The following MPND variants were observed in gnomAD, a reference collection of about 807,000 sequenced individuals.
MPND encodes MPN domain containing, also known as MPN domain-containing protein.
A neutral mutation model predicts 59.2 loss-of-function variants in MPND; 56 were observed. The observed-to-expected ratio is 0.95, with a 90% CI of 0.76 to 1.18. MPND has a LOEUF of 1.18. Among genes scored for constraint, MPND ranks in the 50% most tolerant of loss-of-function variants. The pLI is 0.00. For missense variants in MPND, 671 were observed against 676.0 expected, an observed-to-expected ratio of 0.99 and a Z score of 0.08; for synonymous variants, 323 against 291.9, an observed-to-expected ratio of 1.11 and a Z score of -1.09.
chr19:4,357,695 A>G, intron 10 of MPND, 110 bp downstream of exon 10: 1 of 1,069,460 alleles, frequency 9.4e-7, no homozygotes, highest in Admixed American at 2.7e-5. Flanking sequence ...TTGGGGCCCC[A>G]GTTTCTCCAT....
intron 11 of MPND, 60 bp downstream of exon 11, chr19:4,358,232 C>T (rs562696441): frequency 3.0e-5 from 42 of 1,421,064 alleles, no homozygotes; most frequent in Admixed American, 2.4e-4. Context: ...GCACACGATG[C>T]GTTGGTCTGC....
At chr19:4,343,656 G>A in intron 1 of MPND, 52 bp from the exon 2 acceptor site, 1 of 1,201,976 alleles carries the variant, frequency 8.3e-7, no homozygotes, top group Non-Finnish European at 1.0e-6. Context: ...GGGGCGCGGG[G>A]CTGCAGAGCC....
At chr19:4,345,631 C>T in intron 2 of MPND, 114 bp from the exon 3 acceptor site, 1 of 959,018 alleles carries the variant, frequency 1.0e-6, no homozygotes, top group Non-Finnish European at 1.6e-6. Flanking sequence ...GAGAGGTGTT[C>T]CTGGAAGCCC....
At chr19:4,357,490 A>G (rs769430656) in intron 9 of MPND, 25 bp from the exon 10 acceptor site, 1 of 1,611,952 alleles carries the variant, frequency 6.2e-7, no homozygotes, top group Admixed American at 1.7e-5. Context: ...TCCCAGGGCC[A>G]ACCCCTCTCC....
intron 5 of MPND, 37 bp downstream of exon 5, chr19:4,354,166 C>T: frequency 6.3e-7 from 1 of 1,590,098 alleles, no homozygotes; most frequent in Non-Finnish European, 8.6e-7. Context: ...TGCCCCAGCT[C>T]ACCTGGATCT....
chr19:4,344,065 T>C, intron 2 of MPND, 71 bp downstream of exon 2: 1 of 1,122,022 alleles, frequency 8.9e-7, no homozygotes, highest in Non-Finnish European at 1.1e-6. Context: ...GGAGTTCCCT[T>C]GCTGCAGGAC....
chr19:4,344,955 G>A (rs1972151953), intron 2 of MPND, among the ~76,000 whole-genome samples: 1 of 148,990 alleles, frequency 6.7e-6, no homozygotes. Context: ...TATTGGCCAG[G>A]CTGGTCTTGA....
At chr19:4,347,576 C>T (rs6510807) in intron 3 of MPND, among the ~76,000 whole-genome samples, 88,268 of 151,926 alleles carry the variant, frequency 0.58, 27,367 homozygotes, top group African/African-American at 0.81. Flanking sequence ...TTTTTATGTA[C>T]GAAGTTTATT....
Position 4,359,241 on chromosome 19 carries a change from C to T in MPND, c.1405C>T (p.Leu469Phe), listed in dbSNP as rs1764431737. ...ACCCTGGAGCCAGGAGCACACCTACCTCGACAAGCTTAAGGTGAGCCCCAA... is the reference window on the plus strand; with the variant it reads ...ACCCTGGAGCCAGGAGCACACCTACTTCGACAAGCTTAAGGTGAGCCCCAA... Reference protein sequence around the residue: ...QEPWSQEHTYLDKLKISLASR... With the variant: ...QEPWSQEHTYFDKLKISLASR... The change falls in exon 12 of 13, where the codon CTC (leucine) becomes TTC (phenylalanine). Residue 469 changes from leucine (L) to phenylalanine (F), a missense_variant. Physicochemically the swap from Leu to Phe is conservative, Grantham distance 22 (BLOSUM62 0). Coordinates refer to ENST00000599840, the MANE Select transcript of MPND (RefSeq NM_001300862.2). 1.2e-6 allele frequency: 2 copies of T among 1,612,910 alleles called. No individual in the cohort carries two copies. Among genetic ancestry groups the T allele is most frequent in the African/African-American group, 1.3e-5 (1 of 74,790 alleles).
In MPND at chr19:4,352,881, C is replaced by A; in HGVS notation, c.532-16C>A. 7.4e-7 allele frequency: 1 copy of A among 1,357,934 alleles called. No individual in the cohort carries two copies. Among genetic ancestry groups the A allele is most frequent in the Non-Finnish European group, 9.6e-7 (1 of 1,045,772 alleles). 84.1% of individuals were successfully genotyped at this position (1,357,934 alleles called of 1,614,324 possible). ...CTGAGGGTCCCACCGCTGTCCCTGA[C>A]CCCTAACCCCTGCAGAGCCCAGCCA... On this transcript the variant is annotated splice_polypyrimidine_tract_variant and intron_variant, in intron 3 of 12. Transcript: ENST00000599840.
At chr19:4,352,051 T>C (rs370107288) in intron 3 of MPND, among the ~76,000 whole-genome samples, 5 of 151,344 alleles carry the variant, frequency 3.3e-5, no homozygotes, top group African/African-American at 1.2e-4. Flanking sequence ...TGGGCAACTG[T>C]ACTCCCAGCT....
rs1244232518 is a variant in MPND at position 4,345,593 on chromosome 19, G to T, written c.295-152G>T. On this transcript the variant is annotated intron_variant, in intron 2 of 12. Coordinates refer to ENST00000599840, the MANE Select transcript of MPND (RefSeq NM_001300862.2). ...TCAGGTTTGTGGGTGTGGACTCCCAGGCACTGAGGAGGCCCTGCAGCCGGC... is the reference window on the plus strand; with the variant it reads ...TCAGGTTTGTGGGTGTGGACTCCCATGCACTGAGGAGGCCCTGCAGCCGGC... 5.9e-6 allele frequency: 4 copies of T among 680,860 alleles called. No individual in the cohort carries two copies. In the African/African-American group the frequency reaches 7.2e-5, roughly 12 times the overall value. 42.2% of individuals were successfully genotyped at this position (680,860 alleles called of 1,614,324 possible).
rs1972406033 is a variant in MPND, at chr19:4,355,086, C to G, written c.920-11C>G. The G allele has an allele frequency of 6.2e-7, 1 of 1,613,890 alleles. No homozygotes were observed. The highest frequency in any genetic ancestry group is 8.5e-7 in the Non-Finnish European group (1 of 1,179,950). On this transcript the variant is annotated splice_polypyrimidine_tract_variant and intron_variant, in intron 7 of 12. Transcript: ENST00000599840. ...CCGGGGTCACGGGGTCACAGCTGCC[C>G]CTCCCCACAGTGCTGACGGTGCTCA...
intron 12 of MPND, among the ~76,000 whole-genome samples, 177 bp downstream of exon 12, chr19:4,359,432 T>C (rs1345338126): frequency 3.3e-5 from 5 of 152,188 alleles, no homozygotes; most frequent in Admixed American, 1.3e-4. Context: ...CCAGATTTGA[T>C]TGGACTGTGG....
chr19:4,358,075 C>T lies in MPND; in HGVS notation c.1237-8C>T, dbSNP rs1487142889. 4.5e-6 allele frequency: 7 copies of T among 1,550,548 alleles called. No homozygotes were observed. The highest frequency in any genetic ancestry group is 6.1e-6 in the Non-Finnish European group (7 of 1,146,370). ...GAGGCTTCTCTCACTGGTCTGTGTC[C>T]CTGCCAGCAAAGGCCCAGTGACTAT... On this transcript the variant is annotated splice_region_variant and splice_polypyrimidine_tract_variant and intron_variant, in intron 10 of 12. Coordinates refer to ENST00000599840, the MANE Select transcript of MPND (RefSeq NM_001300862.2).
At position 4,345,773 on chromosome 19, in the gene MPND, C is replaced by T. The variant is rs192526108; in HGVS notation, c.323C>T (p.Pro108Leu). 3.3e-5 allele frequency: 54 copies of T among 1,613,928 alleles called. No homozygotes were observed. The East Asian group carries it at 8.9e-4, about 27-fold the overall frequency. The change falls in exon 3 of 13, where the codon CCA becomes CTA. Residue 108 changes from proline (P) to leucine (L), a missense_variant. Transcript: ENST00000599840. The stretch of plus-strand genomic sequence containing the variant: ...AAGAAGTTCCTGGGCGACCTGCAGC[C>T]AGACGGAAGGATCATGTGGCAGGAG... Reference protein sequence around the residue: ...LGKKFLGDLQPDGRIMWQETG... With the variant: ...LGKKFLGDLQLDGRIMWQETG...
Position 4,355,398 on chromosome 19 carries a change from C to T in MPND, c.996+225C>T, listed in dbSNP as rs1359832772. Among the ~76,000 whole-genome samples the T allele has an allele frequency of 2.8e-5, 4 of 141,390 alleles. No homozygotes were observed. In the East Asian group the frequency reaches 8.7e-4, roughly 31 times the overall value. 92.8% of individuals were successfully genotyped at this position (141,390 alleles called of 152,430 possible). On this transcript the variant is annotated intron_variant, in intron 8 of 12. Coordinates refer to ENST00000599840, the MANE Select transcript of MPND (RefSeq NM_001300862.2). ...TCACCCAGGCTAGAGTGCAGTGGTG[C>T]GATCTCAGCTCCCTGCAAGCTCCGC...
In MPND at chr19:4,350,573, T is replaced by G. The variant is rs144127552; in HGVS notation, c.532-2324T>G. ...AAGAAGTGGGCAGGTTCCAGGTATT[T>G]TTGGAAGTGTATCCGCCAGATTTGC... is the stretch of plus-strand genomic sequence containing the variant. On this transcript the variant is annotated intron_variant, in intron 3 of 12. Transcript: ENST00000599840. Among the ~76,000 whole-genome samples, 303 of 152,250 alleles carry G rather than the reference T, an allele frequency of 2.0e-3. 1 individual carries two copies. Among genetic ancestry groups the G allele is most frequent in the African/African-American group, 6.9e-3 (286 of 41,530 alleles).
At chr19:4,351,467 G>A (rs1972314165) in intron 3 of MPND, among the ~76,000 whole-genome samples, 1 of 152,180 alleles carries the variant, frequency 6.6e-6, no homozygotes, top group African/African-American at 2.4e-5. Flanking sequence ...CTCAATGAAC[G>A]GAGCATCTAG....
Sources: allele counts gnomAD v4.1 joint callset (sites outside exome capture counted in the v4.1 genomes callset), GRCh38; gene constraint gnomAD v4.1.1; transcripts MANE v1.5; gene names NCBI Gene and HGNC (gene_info 2026-07-23, HGNC 2026-07-21).